Variants in RAD17 observed in about 807,000 individuals in gnomAD.
The protein encoded by RAD17 is RAD17 checkpoint clamp loader component, also known as cell cycle checkpoint protein RAD17.
A neutral mutation model predicts 81.5 loss-of-function variants in RAD17; 31 were observed. The observed-to-expected ratio is 0.38, with a 90% CI of 0.29 to 0.51. The LOEUF (loss-of-function observed/expected upper bound fraction) is 0.51. Ranked by LOEUF, RAD17 falls within the 20% of genes least tolerant of loss-of-function variation. The pLI is 0.88. For synonymous variants in RAD17, 261 were observed against 266.2 expected (o/e 0.98, Z 0.19); for missense variants, 681 against 781.2 (o/e 0.87, Z 1.53).
chr5:69,382,428 G>A (rs1763913367), intron 7 of RAD17, among the ~76,000 whole-genome samples: 1 of 152,174 alleles, frequency 6.6e-6, no homozygotes, highest in Non-Finnish European at 1.5e-5. Context: ...CTGGGCAACA[G>A]AATGAGACAT....
intron 4 of RAD17, among the ~76,000 whole-genome samples, chr5:69,373,024 A>G (rs777176509): frequency 5.6e-4 from 86 of 152,346 alleles, no homozygotes; most frequent in South Asian, 4.1e-4. Flanking sequence ...ATTACAGATT[A>G]CGTTATGATC....
At chr5:69,383,440 A>G (rs1763979472) in intron 7 of RAD17, among the ~76,000 whole-genome samples, 1 of 151,266 alleles carries the variant, frequency 6.6e-6, no homozygotes, top group Non-Finnish European at 1.5e-5. Context: ...GCTGGAGTGC[A>G]GTGGTTTGTC....
intron 8 of RAD17, among the ~76,000 whole-genome samples, chr5:69,385,461 G>A (rs1432697211): frequency 6.6e-6 from 1 of 151,670 alleles, no homozygotes; most frequent in African/African-American, 2.4e-5. Context: ...AGTAGAGATG[G>A]AGTTTTGCCA....
chr5:69,385,182 G>A (rs184752885), intron 8 of RAD17, among the ~76,000 whole-genome samples: 18 of 150,890 alleles, frequency 1.2e-4, no homozygotes, highest in South Asian at 4.2e-4. Context: ...GGATGGTCTC[G>A]ATCTCCTGAC....
At position 69,374,698 on chromosome 5, in the gene RAD17, G is replaced by C. The variant is rs1763230663; in HGVS notation, c.338G>C (p.Arg113Thr). The change falls in exon 6 of 19, where the codon AGG (arginine) becomes ACG (threonine). Residue 113 changes from arginine (R) to threonine (T), a missense_variant. By Grantham distance (71) the Arg-to-Thr change is moderately conservative. Transcript: ENST00000354868. Reference protein sequence around the residue: ...ETWLKAQVLERQPKQGGSILL... With the variant: ...ETWLKAQVLETQPKQGGSILL... ...TGGTTAAAAGCTCAAGTTTTAGAAA[G>C]GCAACCAAAACAGGTAACTAAGAAA... 1 of 1,609,744 alleles carries C rather than the reference G, an allele frequency of 6.2e-7. No homozygotes were observed. The highest frequency in any genetic ancestry group is 1.7e-5 in the Admixed American group (1 of 59,374).
Position 69,414,034 on chromosome 5 carries a change from G to T in RAD17, c.1755G>T (p.Leu585Phe). ...GCCTGCACTGTGAATCTGACAGATT[G>T]AAAATGGAAGCCCTGACTGACAGGG... ...RLPLKRHFGRLKMEALTDREH... is the reference protein window; with the variant it reads ...RLPLKRHFGRFKMEALTDREH... The change falls in exon 19 of 19, where the codon TTG (leucine) becomes TTT (phenylalanine). Residue 585 changes from leucine to phenylalanine, a missense_variant. Leu to Phe is a conservative substitution (Grantham distance 22). Coordinates refer to ENST00000354868, the MANE Select transcript of RAD17 (RefSeq NM_133338.3). 5.6e-6 allele frequency: 9 copies of T among 1,614,044 alleles called. No individual in the cohort carries two copies. Among genetic ancestry groups the T allele is most frequent in the Non-Finnish European group, 7.6e-6 (9 of 1,179,982 alleles).
chr5:69,384,800 C>T lies in RAD17; in HGVS notation c.512C>T (p.Ser171Leu), dbSNP rs540101430. ...DDFKGMFNTE[S>L]SFHMFPYQSQ... is the part of the protein sequence containing the mutation. ...GTGGTTATGTGTTTCCTTTCAGAAT[C>T]AAGCTTCCATATGTTTCCCTATCAG... is the stretch of plus-strand genomic sequence containing the variant. Residue 171 changes from serine (S) to leucine (L), a missense_variant, in exon 8 of 19, where the codon TCA (serine) becomes TTA (leucine). Transcript: ENST00000354868. 1 of 1,598,638 alleles carries T rather than the reference C, an allele frequency of 6.3e-7. No homozygotes were observed. The highest frequency in any genetic ancestry group is 1.1e-5 in the South Asian group (1 of 87,724).
chr5:69,389,508 G>C (rs1469512578), intron 12 of RAD17, among the ~76,000 whole-genome samples: 1 of 152,066 alleles, frequency 6.6e-6, no homozygotes, highest in African/African-American at 2.4e-5. Context: ...ACCTCTTAGG[G>C]TTCTATGAAG....
At chr5:69,373,025 C>T (rs1763102502) in intron 4 of RAD17, among the ~76,000 whole-genome samples, 2 of 152,110 alleles carry the variant, frequency 1.3e-5, no homozygotes, top group South Asian at 2.1e-4. Context: ...TTACAGATTA[C>T]GTTATGATCT....
intron 15 of RAD17, among the ~76,000 whole-genome samples, chr5:69,394,533 A>G (rs140418366): frequency 1.3e-5 from 2 of 152,276 alleles, no homozygotes; most frequent in African/African-American, 4.8e-5. Flanking sequence ...TTTTGTTCTT[A>G]ACATCTTAAC....
chr5:69,369,494 C>T (rs750739293), upstream of RAD17: 7 of 1,611,462 alleles, frequency 4.3e-6, no homozygotes, highest in Non-Finnish European at 5.9e-6. Flanking sequence ...GCAACATGGT[C>T]CCCGCCGCGA....
chr5:69,372,690 C>T (rs1041413036), intron 4 of RAD17, among the ~76,000 whole-genome samples: 2 of 152,032 alleles, frequency 1.3e-5, no homozygotes, highest in Non-Finnish European at 1.5e-5. Context: ...TGGTTCACTG[C>T]AACCTTGACC....
At chr5:69,392,847 T>A (rs1416662778) in intron 13 of RAD17, 1 of 465,166 alleles carries the variant, frequency 2.1e-6, no homozygotes. Flanking sequence ...GACCACTGTA[T>A]TGAGATGAGA....
intron 7 of RAD17, 107 bp from the exon 8 acceptor site, chr5:69,384,690 C>A: frequency 9.7e-7 from 1 of 1,031,198 alleles, no homozygotes; most frequent in South Asian, 1.9e-5. Flanking sequence ...GGGAAATAGT[C>A]TACAGTATTG....
chr5:69,387,874 A>T (rs1191097781), intron 11 of RAD17, among the ~76,000 whole-genome samples: 2 of 152,138 alleles, frequency 1.3e-5, no homozygotes, highest in Admixed American at 6.5e-5. Context: ...AAAAGAAAAA[A>T]AATTACCTGG....
chr5:69,373,739 A>G, intron 4 of RAD17, 91 bp from the exon 5 acceptor site: 1 of 740,524 alleles, frequency 1.4e-6, no homozygotes, highest in Admixed American at 3.1e-5. Context: ...TTATAAATAT[A>G]TGAATATGTT....
In RAD17 at chr5:69,400,183, TTTTTC is replaced by T. The variant is rs747505654; in HGVS notation, c.1693+24_1693+28del. 2 of 1,467,314 alleles carry T rather than the reference TTTTTC, an allele frequency of 1.4e-6. No individual in the cohort carries two copies. The highest frequency in any genetic ancestry group is 3.2e-5 in the South Asian group (2 of 62,944). The allele number at this position is 1,467,314 out of a possible 1,614,324, so 90.9% of individuals were successfully genotyped here. A position where few individuals can be genotyped will look rare whatever the true frequency, so the allele number is the denominator to read the frequency against. On this transcript the variant is annotated intron_variant, in intron 17 of 18. Transcript: ENST00000354868. ...TGAGAAATCAAGGTAATAACATAGG[TTTTTC>T]TTTTCTTTTAAGAAGTAGGGTTTAT... is the stretch of plus-strand genomic sequence containing the variant.
chr5:69,384,797 A>G lies in RAD17; in HGVS notation c.509A>G (p.Glu170Gly), dbSNP rs1169773641. The G allele has an allele frequency of 6.3e-7, 1 of 1,598,768 alleles. No individual in the cohort carries two copies. The highest frequency in any genetic ancestry group is 8.5e-7 in the Non-Finnish European group (1 of 1,174,552). Residue 170 changes from glutamate to glycine, a missense_variant and splice_region_variant, in exon 8 of 19, where the codon GAA (glutamate) becomes GGA (glycine). By Grantham distance (98) the Glu-to-Gly change is moderately conservative. Transcript: ENST00000354868. Reference protein sequence around the residue: ...KDDFKGMFNTESSFHMFPYQS... With the variant: ...KDDFKGMFNTGSSFHMFPYQS... ...AAAGTGGTTATGTGTTTCCTTTCAG[A>G]ATCAAGCTTCCATATGTTTCCCTAT...
At chr5:69,395,910 T>C (rs1764854467) in intron 15 of RAD17, among the ~76,000 whole-genome samples, 1 of 152,186 alleles carries the variant, frequency 6.6e-6, no homozygotes, top group Non-Finnish European at 1.5e-5. Flanking sequence ...TCATACCCCA[T>C]TGAAACTAAA....
Sources: gnomAD v4.1 joint callset for allele counts (sites outside exome capture counted in the v4.1 genomes callset) on GRCh38, gnomAD v4.1.1 for gene constraint, MANE v1.5 for transcripts, NCBI Gene and HGNC (gene_info 2026-07-23, HGNC 2026-07-21) for gene names.